The following ARHGAP21 variants were observed in gnomAD, a reference collection of about 807,000 sequenced individuals.
The protein encoded by ARHGAP21 is Rho GTPase activating protein 21, also known as rho GTPase-activating protein 21.
In ARHGAP21, 38 loss-of-function variants were observed where a neutral mutation model predicts 164.6. The ratio of observed to expected loss-of-function variants is 0.23; its 90% confidence interval spans 0.18 to 0.30. ARHGAP21 has a LOEUF of 0.30. Among genes scored for constraint, ARHGAP21 ranks in the 10% least tolerant of loss-of-function variants. The pLI, the probability that ARHGAP21 is intolerant of heterozygous loss-of-function variation, is 1.00. For missense variants in ARHGAP21, 1,822 were observed against 2,370.7 expected, an observed-to-expected ratio of 0.77 and a Z score of 4.81; for synonymous variants, 766 against 857.9, an observed-to-expected ratio of 0.89 and a Z score of 1.87.
At chr10:24,712,100 G>A (rs1456499459) in intron 2 of ARHGAP21, among the ~76,000 whole-genome samples, 1 of 152,082 alleles carries the variant, frequency 6.6e-6, no homozygotes, top group African/African-American at 2.4e-5. Context: ...ATTTTTAGCA[G>A]AGATAGGGTT....
Position 24,600,672 on chromosome 10 carries a change from G to C in ARHGAP21, c.3106C>G (p.Gln1036Glu). 1.2e-6 allele frequency: 2 copies of C among 1,613,908 alleles called. No homozygotes were observed. Among genetic ancestry groups the C allele is most frequent in the Non-Finnish European group, 1.7e-6 (2 of 1,179,830 alleles). The stretch of plus-strand genomic sequence containing the variant: ...TCTTCGTTTAGGTTGCTGCTCTCCT[G>C]GATCGTCTTGATCCAAGCTAGCATA... ...DDMLAWIKTI[Q>E]ESSNLNEEDT... The change falls in exon 14 of 26, where the codon CAG (glutamine) becomes GAG (glutamate). Residue 1036 changes from glutamine to glutamate, a missense_variant. Physicochemically the swap from Gln to Glu is conservative, Grantham distance 29 (BLOSUM62 2). This residue lies in a region of ARHGAP21 where 1,090 missense variants were observed against 1,378.9 expected (regional missense o/e 0.79). Transcript: ENST00000396432.
intron 12 of ARHGAP21, among the ~76,000 whole-genome samples, chr10:24,603,219 G>A (rs1408822154): frequency 6.6e-6 from 1 of 152,192 alleles, no homozygotes; most frequent in Non-Finnish European, 1.5e-5. Flanking sequence ...AGAGGGGATG[G>A]AGAAGTAGTC....
rs764596473 is a variant in ARHGAP21, at chr10:24,585,519, T to C, written c.4770A>G (p.Thr1590=). 2.5e-6 allele frequency: 4 copies of C among 1,614,122 alleles called. No individual in the cohort carries two copies. The highest frequency in any genetic ancestry group is 2.5e-6 in the Non-Finnish European group (3 of 1,180,026). The change falls in exon 26 of 26, where the codon ACA becomes ACG. Residue 1590 remains threonine, a synonymous_variant. Transcript: ENST00000396432. The part of the protein sequence containing the change: ...VSTITSDYST[T]SSATYLTSLD... ...GGCTAGTCAAGTATGTAGCAGACGA[T>C]GTGGTGGAATAATCTGAGGTGATGG...
chr10:24,636,899 CAT>C (rs1474193866), intron 4 of ARHGAP21, among the ~76,000 whole-genome samples: 1 of 152,170 alleles, frequency 6.6e-6, no homozygotes, highest in East Asian at 1.9e-4. Flanking sequence ...TATTTGCTTA[CAT>C]GTTTGTTGTA....
chr10:24,714,022 T>A (rs1227244877), intron 2 of ARHGAP21, among the ~76,000 whole-genome samples: 1 of 152,242 alleles, frequency 6.6e-6, no homozygotes, highest in Non-Finnish European at 1.5e-5. Flanking sequence ...TTTTAACACA[T>A]TTAATTACTT....
At chr10:24,689,800 G>GTATATGTATGTGTATATATATGTA (rs1555010305) in intron 2 of ARHGAP21, among the ~76,000 whole-genome samples, 9 of 149,506 alleles carry the variant, frequency 6.0e-5, no homozygotes, top group Non-Finnish European at 1.2e-4. Context: ...ATGTATATAT[G>GTATATGTATGTGTATATATATGTA]TATATGTATG....
intron 2 of ARHGAP21, among the ~76,000 whole-genome samples, chr10:24,679,176 A>G (rs970537381): frequency 4.6e-5 from 7 of 152,244 alleles, no homozygotes; most frequent in Middle Eastern, 3.2e-3. Flanking sequence ...CTGGGCTGCT[A>G]TAACAAAATA....
Position 24,614,801 on chromosome 10 carries a change from C to T in ARHGAP21, c.2422+4672G>A, listed in dbSNP as rs571026709. Reference sequence around the variant, plus strand: ...CCATCTCAAAAAAAAAAAAAAAATGCGGCTAGGTTTTAAAAAAAACGTATT... The same window carrying T: ...CCATCTCAAAAAAAAAAAAAAAATGTGGCTAGGTTTTAAAAAAAACGTATT... On this transcript the variant is annotated intron_variant, in intron 9 of 25. Transcript: ENST00000396432. Among the ~76,000 whole-genome samples, 1,012 of 133,338 alleles carry T rather than the reference C, an allele frequency of 7.6e-3. 7 individuals carry two copies. Among genetic ancestry groups the T allele is most frequent in the Admixed American group, 0.013 (169 of 13,222 alleles). 87.5% of individuals were successfully genotyped at this position (133,338 alleles called of 152,430 possible).
chr10:24,713,789 A>T (rs551464272), intron 2 of ARHGAP21, among the ~76,000 whole-genome samples: 1 of 152,092 alleles, frequency 6.6e-6, no homozygotes. Flanking sequence ...AAGTTTCTCA[A>T]ACCTATAGTA....
At position 24,709,754 on chromosome 10, in the gene ARHGAP21, AC is replaced by A. The variant is rs1295650520; in HGVS notation, c.63+12082del. ...ACCTTCTCTTAAAAAAAAAAAAAAA[AC>A]AATCCAGACAAGGACACAACAACAA... On this transcript the variant is annotated intron_variant, in intron 2 of 25. Transcript: ENST00000396432. 1.0e-3 allele frequency among the ~76,000 whole-genome samples: 148 copies of A among 148,632 alleles called. 1 individual carries two copies. The highest frequency in any genetic ancestry group is 3.4e-3 in the Middle Eastern group (1 of 294).
chr10:24,631,435 C>T (rs1835848420), intron 6 of ARHGAP21, among the ~76,000 whole-genome samples: 1 of 152,018 alleles, frequency 6.6e-6, no homozygotes, highest in African/African-American at 2.4e-5. Context: ...CCACCAAATG[C>T]TTCAACAGCT....
chr10:24,718,022 G>A (rs1302804179), intron 2 of ARHGAP21, among the ~76,000 whole-genome samples: 1 of 152,196 alleles, frequency 6.6e-6, no homozygotes, highest in Non-Finnish European at 1.5e-5. Context: ...TGCGGAAGGG[G>A]ACAAGGCTAA....
intron 7 of ARHGAP21, among the ~76,000 whole-genome samples, chr10:24,628,815 A>G (rs1593085569): frequency 1.3e-5 from 1 of 75,996 alleles, no homozygotes; most frequent in East Asian, 2.7e-4. Context: ...ACATATATAT[A>G]CATATACACA....
chr10:24,648,549 G>T (rs892310325), intron 4 of ARHGAP21, among the ~76,000 whole-genome samples: 2 of 152,168 alleles, frequency 1.3e-5, no homozygotes, highest in Non-Finnish European at 2.9e-5. Flanking sequence ...GGAGGCCGAG[G>T]TGGGTGGATC....
intron 1 of ARHGAP21, 144 bp downstream of exon 1, chr10:24,723,418 C>T (rs1447391790): frequency 1.4e-5 from 2 of 147,118 alleles, no homozygotes; most frequent in South Asian, 2.1e-4. Context: ...CGGGCGCCCG[C>T]CGCGGGCTCC....
intron 16 of ARHGAP21, among the ~76,000 whole-genome samples, 190 bp from the exon 17 acceptor site, chr10:24,597,072 T>C (rs2076615304): frequency 9.3e-6 from 1 of 107,222 alleles, no homozygotes; most frequent in Non-Finnish European, 2.1e-5. Context: ...ATGCGTGCTA[T>C]AATTTTCTTT....
rs73606550 is a variant in ARHGAP21, at chr10:24,715,375, G to A, written c.63+6462C>T. Among the ~76,000 whole-genome samples, 904 of 152,040 alleles carry A rather than the reference G, an allele frequency of 5.9e-3. 12 individuals are homozygous for A. Among genetic ancestry groups the A allele is most frequent in the African/African-American group, 0.02 (833 of 41,466 alleles). On this transcript the variant is annotated intron_variant, in intron 2 of 25. Transcript: ENST00000396432. Reference sequence around the variant, plus strand: ...ATGAAAAAATAAAAATACATAATAAGGAACATCCATATACTAGCCATTCGT... The same window carrying A: ...ATGAAAAAATAAAAATACATAATAAAGAACATCCATATACTAGCCATTCGT...
At chr10:24,656,175 C>G (rs1342093721) in intron 4 of ARHGAP21, among the ~76,000 whole-genome samples, 1 of 136,046 alleles carries the variant, frequency 7.4e-6, no homozygotes, top group Non-Finnish European at 1.6e-5. Context: ...GGGGGGTCAG[C>G]CCCCCGCCCG....
intron 13 of ARHGAP21, among the ~76,000 whole-genome samples, chr10:24,601,351 A>G (rs2076805555): frequency 6.6e-6 from 1 of 152,254 alleles, no homozygotes; most frequent in African/African-American, 2.4e-5. Flanking sequence ...TAACTAATTA[A>G]CAGAGTTCAT....
Sources: allele counts gnomAD v4.1 joint callset (sites outside exome capture counted in the v4.1 genomes callset), GRCh38; gene constraint gnomAD v4.1.1; regional missense constraint gnomAD v4.1.1; transcripts MANE v1.5; gene names NCBI Gene and HGNC (gene_info 2026-07-23, HGNC 2026-07-21).